Variants in PLD1 observed in about 807,000 individuals in gnomAD.
The protein encoded by PLD1 is phospholipase D1.
Under a neutral mutation model 137.1 loss-of-function variants are expected in PLD1, and 112 were observed. That is an observed-to-expected ratio of 0.82 (90% CI 0.70 to 0.96). The LOEUF (loss-of-function observed/expected upper bound fraction) is 0.96. PLD1 is among the 40% of genes least tolerant of loss of function. PLD1 has a pLI of 0.00. For synonymous variants in PLD1, 431 were observed against 454.7 expected, an observed-to-expected ratio of 0.95 and a Z score of 0.66; for missense variants, 1,321 against 1,342.0, an observed-to-expected ratio of 0.98 and a Z score of 0.24.
chr3:171,668,604 T>C (rs562403643), intron 19 of PLD1, among the ~76,000 whole-genome samples: 1 of 152,210 alleles, frequency 6.6e-6, no homozygotes, highest in South Asian at 2.1e-4. Flanking sequence ...TTCCTTCCTT[T>C]CTTTGTTCCT....
intron 12 of PLD1, 89 bp from the exon 13 acceptor site, chr3:171,692,531 T>TC (rs1715290986): frequency 1.4e-6 from 1 of 715,776 alleles, no homozygotes; most frequent in Admixed American, 2.3e-5. Flanking sequence ...GTACTTTCTT[T>TC]CTTTTTTTTT....
intron 1 of PLD1, among the ~76,000 whole-genome samples, chr3:171,740,550 G>C (rs1050077527): frequency 3.3e-5 from 5 of 152,190 alleles, no homozygotes; most frequent in Admixed American, 3.3e-4. Flanking sequence ...AAAAACAAAG[G>C]TTACTCCAAA....
chr3:171,740,104 A>G (rs79879319), intron 1 of PLD1, among the ~76,000 whole-genome samples: 1 of 152,172 alleles, frequency 6.6e-6, no homozygotes, highest in Admixed American at 6.5e-5. Context: ...TTTAACACGA[A>G]AACCCTAACT....
intron 21 of PLD1, chr3:171,654,290 A>C: frequency 4.0e-6 from 1 of 251,638 alleles, no homozygotes; most frequent in Non-Finnish European, 7.7e-6. Flanking sequence ...GTGACAGAGC[A>C]AGACTGTCTC....
chr3:171,702,818 C>T (rs1361897787), intron 11 of PLD1, among the ~76,000 whole-genome samples: 1 of 152,006 alleles, frequency 6.6e-6, no homozygotes, highest in Non-Finnish European at 1.5e-5. Context: ...AGAAATGATG[C>T]TAGTACTACC....
chr3:171,802,834 C>G (rs1034423752), intron 1 of PLD1, among the ~76,000 whole-genome samples: 1 of 152,130 alleles, frequency 6.6e-6, no homozygotes, highest in African/African-American at 2.4e-5. Context: ...ACATAAAAAT[C>G]GAGGCTACCA....
chr3:171,734,790 AC>A (rs1250640956), intron 5 of PLD1, 74 bp downstream of exon 5: 17 of 849,316 alleles, frequency 2.0e-5, no homozygotes, highest in Non-Finnish European at 2.6e-5. Context: ...GGCCTACTTC[AC>A]CCCTCAGTAG....
chr3:171,674,455 T>A, intron 19 of PLD1, 45 bp downstream of exon 19: 1 of 999,608 alleles, frequency 1.0e-6, no homozygotes, highest in Non-Finnish European at 1.5e-6. Flanking sequence ...ACAGTAATTT[T>A]ACTCAGTAGC....
At chr3:171,626,521 G>A (rs1411862485) in intron 23 of PLD1, among the ~76,000 whole-genome samples, 1 of 152,094 alleles carries the variant, frequency 6.6e-6, no homozygotes, top group Non-Finnish European at 1.5e-5. Context: ...GATACTCCTC[G>A]AGAAGAGCAA....
At chr3:171,795,300 G>T (rs575593532) in intron 1 of PLD1, among the ~76,000 whole-genome samples, 1 of 152,140 alleles carries the variant, frequency 6.6e-6, no homozygotes, top group African/African-American at 2.4e-5. Context: ...AAGTGGGGCC[G>T]CCTTTATTCA....
intron 23 of PLD1, among the ~76,000 whole-genome samples, chr3:171,632,962 T>C (rs1297985620): frequency 6.6e-6 from 1 of 152,210 alleles, no homozygotes; most frequent in Admixed American, 6.6e-5. Context: ...TCTTACGAAG[T>C]AATTAAATCT....
Position 171,700,726 on chromosome 3 carries a change from G to C in PLD1, c.1146-900C>G, listed in dbSNP as rs78773694. Among the ~76,000 whole-genome samples the C allele has an allele frequency of 8.5e-3, 1,288 of 152,272 alleles. 19 individuals carry two copies. Among genetic ancestry groups the C allele is most frequent in the African/African-American group, 0.025 (1,055 of 41,538 alleles). Reference sequence around the variant, plus strand: ...GGAACCTGGGGCTTTCTGGACAGGGGAGAAGGAAGGTCGGCTGATATATGA... The same window carrying C: ...GGAACCTGGGGCTTTCTGGACAGGGCAGAAGGAAGGTCGGCTGATATATGA... On this transcript the variant is annotated intron_variant, in intron 11 of 26. Coordinates refer to ENST00000351298, the MANE Select transcript of PLD1 (RefSeq NM_002662.5).
chr3:171,707,226 G>A (rs1233849879), intron 11 of PLD1, among the ~76,000 whole-genome samples: 1 of 152,126 alleles, frequency 6.6e-6, no homozygotes, highest in Non-Finnish European at 1.5e-5. Flanking sequence ...ATACCTGGGT[G>A]ATAAAATAAT....
intron 23 of PLD1, among the ~76,000 whole-genome samples, chr3:171,640,837 C>T (rs1560171821): frequency 2.0e-5 from 3 of 152,234 alleles, no homozygotes; most frequent in Non-Finnish European, 1.5e-5. Flanking sequence ...GATCTCCTTC[C>T]TCAGCTTATC....
chr3:171,657,992 G>A (rs1397223367), intron 21 of PLD1, among the ~76,000 whole-genome samples: 1 of 152,092 alleles, frequency 6.6e-6, no homozygotes, highest in East Asian at 1.9e-4. Context: ...GAACAAATGG[G>A]CAAGGGATTT....
chr3:171,624,754 A>G (rs1222823530), intron 23 of PLD1, among the ~76,000 whole-genome samples: 1 of 152,182 alleles, frequency 6.6e-6, no homozygotes, highest in Non-Finnish European at 1.5e-5. Context: ...TTTCCAGGAT[A>G]TTCTGTTAAA....
intron 8 of PLD1, among the ~76,000 whole-genome samples, chr3:171,724,334 T>C (rs1190606849): frequency 6.6e-6 from 1 of 152,236 alleles, no homozygotes; most frequent in Non-Finnish European, 1.5e-5. Context: ...TCTTTGATTA[T>C]AGCCATCCTT....
intron 1 of PLD1, among the ~76,000 whole-genome samples, chr3:171,743,937 G>C (rs184818707): frequency 1.7e-4 from 26 of 152,308 alleles, no homozygotes; most frequent in Admixed American, 5.9e-4. Context: ...AAAGCTGTCA[G>C]CTCCAGGTTA....
chr3:171,771,316 A>G lies in PLD1; in HGVS notation c.-31-33234T>C, dbSNP rs143688107. ...CAAAATCGACTACCCTGAGAATCCA[A>G]ATAAACGGGCAAAGCCTTCCTGTTC... On this transcript the variant is annotated intron_variant, in intron 1 of 26. Coordinates refer to ENST00000351298, the MANE Select transcript of PLD1 (RefSeq NM_002662.5). The G allele has an allele frequency of 3.9e-5, 6 of 152,424 alleles. No individual in the cohort carries two copies. The East Asian group carries it at 9.6e-4, about 25-fold the overall frequency. The allele number at this position is 152,424 out of a possible 1,614,324, so 9.4% of individuals were successfully genotyped here. A position where few individuals can be genotyped will look rare whatever the true frequency, so the allele number is the denominator to read the frequency against.
Sources: allele counts gnomAD v4.1 joint callset (sites outside exome capture counted in the v4.1 genomes callset), GRCh38; gene constraint gnomAD v4.1.1; transcripts MANE v1.5; gene names NCBI Gene and HGNC (gene_info 2026-07-23, HGNC 2026-07-21).